LRP11: variants seen among roughly 807,000 people sequenced by gnomAD.
The protein encoded by LRP11 is low-density lipoprotein receptor-related protein 11.
In LRP11, 25 loss-of-function variants were observed where a neutral mutation model predicts 43.1. The ratio of observed to expected loss-of-function variants is 0.58; its 90% CI spans 0.42 to 0.81. The LOEUF (loss-of-function observed/expected upper bound fraction) is 0.81, where lower values mean the gene tolerates loss of function less well. Ranked by LOEUF, LRP11 falls within the 30% of genes least tolerant of loss-of-function variation. The probability of loss-of-function intolerance (pLI) is 0.00; values close to 1 mark genes in which losing one functional copy is unlikely to be tolerated. For synonymous variants in LRP11, 316 were observed against 299.4 expected (o/e 1.06, Z -0.57); for missense variants, 623 against 665.1 (o/e 0.94, Z 0.70).
chr6:149,832,716 G>A (rs1776424410), intron 5 of LRP11, among the ~76,000 whole-genome samples: 1 of 151,254 alleles, frequency 6.6e-6, no homozygotes, highest in South Asian at 2.1e-4. Context: ...TGCCTCCTGG[G>A]TTCACACCAT....
chr6:149,826,103 A>G, intron 6 of LRP11, 161 bp downstream of exon 6: 1 of 666,066 alleles, frequency 1.5e-6, no homozygotes, highest in Non-Finnish European at 2.8e-6. Flanking sequence ...AGGAGCCCCA[A>G]GACGCAGTGC....
rs1776966598 is a variant in LRP11, at chr6:149,863,427, C to CGCGGTGGCCAGGGCG, written c.579_593dup (p.Ala194_Ala198dup). 6 of 1,314,802 alleles carry CGCGGTGGCCAGGGCG rather than the reference C, an allele frequency of 4.6e-6. No individual in the cohort carries two copies. The highest frequency in any genetic ancestry group is 3.0e-5 in the East Asian group (1 of 33,488). The allele number at this position is 1,314,802 out of a possible 1,614,324, so 81.4% of individuals were successfully genotyped here. A position where few individuals can be genotyped will look rare whatever the true frequency, so the allele number is the denominator to read the frequency against. ...GCTTACCCTGCCGGGGCGAGGCGCG[C>CGCGGTGGCCAGGGCG]GCGGTGGCCAGGGCGGCGCCGTCCG... On this transcript the variant is annotated inframe_insertion, in exon 1 of 7. Transcript: ENST00000239367.
At chr6:149,846,892 C>T (rs1275065575) in intron 2 of LRP11, among the ~76,000 whole-genome samples, 2 of 151,780 alleles carry the variant, frequency 1.3e-5, no homozygotes, top group Admixed American at 6.6e-5. Flanking sequence ...CAAGATTGCA[C>T]CACTGCACTC....
intron 5 of LRP11, 131 bp downstream of exon 5, chr6:149,835,953 TG>T: frequency 1.2e-6 from 1 of 826,888 alleles, no homozygotes; most frequent in Non-Finnish European, 1.9e-6. Flanking sequence ...CCCGCCTTTC[TG>T]GCCAAATTCT....
chr6:149,848,636 A>G (rs1776674377), intron 2 of LRP11, among the ~76,000 whole-genome samples: 1 of 152,186 alleles, frequency 6.6e-6, no homozygotes, highest in Non-Finnish European at 1.5e-5. Flanking sequence ...AGAACAGAAA[A>G]CCAAATACCA....
intron 3 of LRP11, chr6:149,842,691 C>G: frequency 6.4e-7 from 1 of 1,550,756 alleles, no homozygotes; most frequent in African/African-American, 1.4e-5. Flanking sequence ...AAACAAAGTC[C>G]TCTCCCAGAA....
At chr6:149,848,835 A>C (rs1399404392) in intron 2 of LRP11, among the ~76,000 whole-genome samples, 2 of 152,232 alleles carry the variant, frequency 1.3e-5, no homozygotes, top group Non-Finnish European at 2.9e-5. Flanking sequence ...CCCCTAAGTC[A>C]TAAGTTTATC....
rs770128497 is a variant in LRP11, at chr6:149,863,837, ACTCCTCCAGCAG to A, written c.172_183del (p.Leu58_Glu61del). ...CGCTCCTGCTGCAGTTGCCGGCGGA[ACTCCTCCAGCAG>A]CTGCTCCACGCCCGACAGCTGCGCG... On this transcript the variant is annotated inframe_deletion, in exon 1 of 7. Coordinates refer to ENST00000239367, the MANE Select transcript of LRP11 (RefSeq NM_032832.6). The A allele has an allele frequency of 3.8e-4, 578 of 1,510,374 alleles. No homozygotes were observed. The highest frequency in any genetic ancestry group is 4.8e-4 in the Non-Finnish European group (547 of 1,138,674). The allele number at this position is 1,510,374 out of a possible 1,614,324, so 93.6% of individuals were successfully genotyped here. A position where few individuals can be genotyped will look rare whatever the true frequency, so the allele number is the denominator to read the frequency against.
chr6:149,829,147 G>A (rs1252482264), intron 5 of LRP11, among the ~76,000 whole-genome samples: 7 of 152,070 alleles, frequency 4.6e-5, no homozygotes, highest in Non-Finnish European at 1.0e-4. Context: ...CCCCCATGCC[G>A]TACTGCCAGG....
intron 5 of LRP11, among the ~76,000 whole-genome samples, chr6:149,829,038 G>A (rs546900728): frequency 9.9e-5 from 15 of 152,140 alleles, no homozygotes; most frequent in Admixed American, 6.5e-4. Flanking sequence ...TCCAGCAGCC[G>A]CACACACAAA....
intron 6 of LRP11, among the ~76,000 whole-genome samples, chr6:149,824,856 T>C (rs1405786012): frequency 6.6e-6 from 1 of 152,294 alleles, no homozygotes; most frequent in Non-Finnish European, 1.5e-5. Flanking sequence ...TGAGACTCGA[T>C]GTCTCAAAAA....
chr6:149,838,007 TC>T (rs1355019923), intron 3 of LRP11, among the ~76,000 whole-genome samples: 1 of 152,088 alleles, frequency 6.6e-6, no homozygotes, highest in African/African-American at 2.4e-5. Context: ...AACCTCCGCC[TC>T]CCGGGTTCAA....
chr6:149,839,978 G>T (rs4870052), intron 3 of LRP11, among the ~76,000 whole-genome samples: 1 of 151,992 alleles, frequency 6.6e-6, no homozygotes, highest in Non-Finnish European at 1.5e-5. Flanking sequence ...GAACAACTCA[G>T]GGGCATCCTG....
chr6:149,836,353 C>T, intron 4 of LRP11, 56 bp from the exon 5 acceptor site: 1 of 1,420,016 alleles, frequency 7.0e-7, no homozygotes, highest in Non-Finnish European at 9.9e-7. Flanking sequence ...AGCTTTAATA[C>T]TAAAAACACT....
At chr6:149,836,037 G>T in intron 5 of LRP11, 48 bp downstream of exon 5, 1 of 1,512,210 alleles carries the variant, frequency 6.6e-7, no homozygotes, top group South Asian at 1.1e-5. Flanking sequence ...GCCAAGTTTG[G>T]CTACAGAAAA....
chr6:149,863,678 C>T lies in LRP11; in HGVS notation c.343G>A (p.Ala115Thr). 1 of 1,476,140 alleles carries T rather than the reference C, an allele frequency of 6.8e-7. No homozygotes were observed. Among genetic ancestry groups the T allele is most frequent in the Non-Finnish European group, 8.9e-7 (1 of 1,120,518 alleles). The allele number at this position is 1,476,140 out of a possible 1,614,324, so 91.4% of individuals were successfully genotyped here. A position where few individuals can be genotyped will look rare whatever the true frequency, so the allele number is the denominator to read the frequency against. ...GCCGCCGGCGCCCGCAGGAAGCTGG[C>T]ACCCGCCGCCAGGGAGTCCTTGGTG... ...IRTKDSLAAG[A>T]SFLRAPAAVR... Residue 115 changes from alanine (A) to threonine (T), a missense_variant, in exon 1 of 7, where the codon GCC becomes ACC. By Grantham distance (58) the Ala-to-Thr change is moderately conservative. Coordinates refer to ENST00000239367, the MANE Select transcript of LRP11 (RefSeq NM_032832.6).
At position 149,863,963 on chromosome 6, in the gene LRP11, C is replaced by G. The variant is rs919619274; in HGVS notation, c.58G>C (p.Gly20Arg). ...GSQRRLPPRHGALRGLLLLCL... is the reference protein window; with the variant it reads ...GSQRRLPPRHRALRGLLLLCL... ...AGCAGTAGCAGCCCGCGCAGCGCCC[C>G]GTGACGCGGCGGTAGCCGGCGCTGC... The change falls in exon 1 of 7, where the codon GGG becomes CGG. Residue 20 changes from glycine (G) to arginine (R), a missense_variant. Coordinates refer to ENST00000239367, the MANE Select transcript of LRP11 (RefSeq NM_032832.6). 2.1e-6 allele frequency: 3 copies of G among 1,426,184 alleles called. No homozygotes were observed. Among genetic ancestry groups the G allele is most frequent in the Non-Finnish European group, 2.7e-6 (3 of 1,096,662 alleles). The allele number at this position is 1,426,184 out of a possible 1,614,324, so 88.3% of individuals were successfully genotyped here.
In LRP11 at chr6:149,863,881, TCGGACAGCGGCGCCG is replaced by T; in HGVS notation, c.125_139del (p.Ala42_Ser46del). 1 of 1,496,652 alleles carries T rather than the reference TCGGACAGCGGCGCCG, an allele frequency of 6.7e-7. No individual in the cohort carries two copies. Among genetic ancestry groups the T allele is most frequent in the Non-Finnish European group, 8.8e-7 (1 of 1,131,392 alleles). 92.7% of individuals were successfully genotyped at this position (1,496,652 alleles called of 1,614,324 possible). The stretch of plus-strand genomic sequence containing the variant: ...CACGCCCGACAGCTGCGCGTGCAGT[TCGGACAGCGGCGCCG>T]CGGGCGGCAAGGCCGCACGGCCGCT... On this transcript the variant is annotated inframe_deletion, in exon 1 of 7. Coordinates refer to ENST00000239367, the MANE Select transcript of LRP11 (RefSeq NM_032832.6).
intron 1 of LRP11, among the ~76,000 whole-genome samples, chr6:149,861,264 C>T (rs1776889033): frequency 6.6e-6 from 1 of 152,168 alleles, no homozygotes; most frequent in Admixed American, 6.5e-5. Flanking sequence ...AATTTTTGAC[C>T]TCCACGCAGA....
Sources: allele counts gnomAD v4.1 joint callset (sites outside exome capture counted in the v4.1 genomes callset), GRCh38; gene constraint gnomAD v4.1.1; transcripts MANE v1.5; gene names NCBI Gene and HGNC (gene_info 2026-07-23, HGNC 2026-07-21).